The following PKHD1 variants were observed in gnomAD, a reference collection of about 807,000 sequenced individuals.
PKHD1 encodes PKHD1 ciliary IPT domain containing fibrocystin/polyductin, also known as fibrocystin.
In PKHD1, 291 loss-of-function variants were observed where a neutral mutation model predicts 412.0. That is an observed-to-expected ratio of 0.71 (90% CI 0.64 to 0.78). The LOEUF (loss-of-function observed/expected upper bound fraction) is 0.78. Ranked by LOEUF, PKHD1 falls within the 30% of genes least tolerant of loss-of-function variation. The probability of loss-of-function intolerance (pLI) is 0.00; values close to 1 mark genes in which losing one functional copy is unlikely to be tolerated. For missense variants in PKHD1, 4,825 were observed against 4,950.7 expected (o/e 0.97, Z 0.76); for synonymous variants, 1,777 against 1,821.5 (o/e 0.98, Z 0.62).
At chr6:51,982,826 A>G (rs1431889476) in intron 35 of PKHD1, among the ~76,000 whole-genome samples, 1 of 147,084 alleles carries the variant, frequency 6.8e-6, no homozygotes. Context: ...AATAATAATA[A>G]TAAATAAAAA....
At chr6:52,028,398 G>C (rs904030160) in intron 29 of PKHD1, 47 bp from the exon 30 acceptor site, 2 of 1,542,986 alleles carry the variant, frequency 1.3e-6, no homozygotes, top group East Asian at 2.2e-5. Flanking sequence ...GGGTTTGTGG[G>C]CTCAACCATC....
chr6:51,869,588 G>C (rs1183154685), intron 47 of PKHD1, among the ~76,000 whole-genome samples: 1 of 152,102 alleles, frequency 6.6e-6, no homozygotes, highest in Non-Finnish European at 1.5e-5. Context: ...TCAGTGAAAA[G>C]GGATTAGAGT....
chr6:52,020,182 C>A (rs935016189), intron 33 of PKHD1, among the ~76,000 whole-genome samples: 2 of 152,200 alleles, frequency 1.3e-5, no homozygotes, highest in African/African-American at 4.8e-5. Flanking sequence ...AAGAGTAAGA[C>A]AGTAAACTAC....
At chr6:51,719,988 T>C (rs73442838) in intron 60 of PKHD1, among the ~76,000 whole-genome samples, 6,210 of 152,164 alleles carry the variant, frequency 0.041, 372 homozygotes, top group African/African-American at 0.13. Context: ...TACCAATGAA[T>C]TACACATAGT....
In PKHD1 at chr6:52,043,039, C is replaced by G. The variant is rs1173745395; in HGVS notation, c.2917G>C (p.Val973Leu). 1.9e-6 allele frequency: 3 copies of G among 1,613,958 alleles called. No homozygotes were observed. Residue 973 changes from valine (V) to leucine (L), a missense_variant, in exon 27 of 67, where the codon GTT (valine) becomes CTT (leucine). By Grantham distance (32) the Val-to-Leu change is conservative. Transcript: ENST00000371117. Reference sequence around the variant, plus strand: ...ACATTGGTCTGGTTTGAGAAAATAACTTTGCAACTCGTTTTGTTCACTGTA... The same window carrying G: ...ACATTGGTCTGGTTTGAGAAAATAAGTTTGCAACTCGTTTTGTTCACTGTA... ...QVTVNKTSCK[V>L]IFSNQTNVVC...
At chr6:51,635,537 T>C (rs900292013) in intron 64 of PKHD1, among the ~76,000 whole-genome samples, 5 of 152,136 alleles carry the variant, frequency 3.3e-5, no homozygotes, top group African/African-American at 1.2e-4. Flanking sequence ...TCTCTGTCCC[T>C]TTGGAACTTT....
rs1482875780 is a variant in PKHD1 at position 51,883,086 on chromosome 6, C to T, written c.7350+7G>A. 1.2e-6 allele frequency: 2 copies of T among 1,611,920 alleles called. No homozygotes were observed. The highest frequency in any genetic ancestry group is 1.1e-5 in the South Asian group (1 of 90,908). ...ACAGCCTAAAACAACCACACTAAGGCACTTACCTTGTGGGCAAAATGACCA... is the reference window on the plus strand; with the variant it reads ...ACAGCCTAAAACAACCACACTAAGGTACTTACCTTGTGGGCAAAATGACCA... On this transcript the variant is annotated splice_region_variant and intron_variant, in intron 46 of 66. Transcript: ENST00000371117.
At chr6:51,847,542 T>C (rs1419864077) in intron 50 of PKHD1, among the ~76,000 whole-genome samples, 1 of 152,186 alleles carries the variant, frequency 6.6e-6, no homozygotes, top group African/African-American at 2.4e-5. Context: ...GTCATACTTC[T>C]CTATAGAGGA....
Position 52,072,303 on chromosome 6 carries a change from T to A in PKHD1, c.528-114A>T. Reference sequence around the variant, plus strand: ...TGGCTATGAACACTCTCCTCTGGATTTTTCTGCACTATTGCAGGTGGCTGA... The same window carrying A: ...TGGCTATGAACACTCTCCTCTGGATATTTCTGCACTATTGCAGGTGGCTGA... On this transcript the variant is annotated intron_variant, in intron 7 of 66. Coordinates refer to ENST00000371117, the MANE Select transcript of PKHD1 (RefSeq NM_138694.4). 5 of 743,424 alleles carry A rather than the reference T, an allele frequency of 6.7e-6. No homozygotes were observed. In the Admixed American group the frequency reaches 9.9e-5, roughly 15 times the overall value. 46.1% of individuals were successfully genotyped at this position (743,424 alleles called of 1,614,324 possible).
Position 51,632,645 on chromosome 6 carries a change from G to C in PKHD1, c.11585C>G (p.Ala3862Gly), listed in dbSNP as rs1450527990. 6.2e-7 allele frequency: 1 copy of C among 1,613,374 alleles called. No homozygotes were observed. Among genetic ancestry groups the C allele is most frequent in the East Asian group, 2.2e-5 (1 of 44,862 alleles). ...TRKEKSTIIL[A>G]ASLSSVASWL... ...TGAGGCCACAGAGGACAGGGAAGCA[G>C]CCAGGATGATGGTCGACTTCTCCTT... is the stretch of plus-strand genomic sequence containing the variant. The change falls in exon 65 of 67, where the codon GCT (alanine) becomes GGT (glycine). Residue 3862 changes from alanine (A) to glycine (G), a missense_variant. Physicochemically the swap from Ala to Gly is moderately conservative, Grantham distance 60 (BLOSUM62 0). Coordinates refer to ENST00000371117, the MANE Select transcript of PKHD1 (RefSeq NM_138694.4).
intron 1 of PKHD1, among the ~76,000 whole-genome samples, chr6:52,086,684 C>T (rs1471228833): frequency 6.6e-6 from 1 of 152,112 alleles, no homozygotes; most frequent in African/African-American, 2.4e-5. Context: ...TACCTGCCCC[C>T]GAGTCATTAC....
intron 60 of PKHD1, among the ~76,000 whole-genome samples, chr6:51,701,368 C>T (rs1251418981): frequency 6.6e-6 from 1 of 152,082 alleles, no homozygotes; most frequent in Non-Finnish European, 1.5e-5. Flanking sequence ...GTCAATCATT[C>T]ACAGATGTCA....
chr6:51,818,115 G>T (rs1272466195), intron 52 of PKHD1, among the ~76,000 whole-genome samples: 1 of 152,122 alleles, frequency 6.6e-6, no homozygotes, highest in Admixed American at 6.5e-5. Context: ...GAGCATTGCC[G>T]ATGTTACAAA....
At position 52,084,888 on chromosome 6, in the gene PKHD1, A is replaced by G. The variant is rs1219432577; in HGVS notation, c.46T>C (p.Leu16=). 3.7e-6 allele frequency: 6 copies of G among 1,600,640 alleles called. No homozygotes were observed. Among genetic ancestry groups the G allele is most frequent in the Non-Finnish European group, 4.3e-6 (5 of 1,167,884 alleles). ...CAAAACACATTCTACTGACCTGCCA[A>G]AAGTAGTACTTCAATACTCATCAGA... The part of the protein sequence containing the change: ...ISLMSIEVLL[L]AVRHLSLHIE... Residue 16 remains leucine, a synonymous_variant, in exon 2 of 67, where the codon TTG becomes CTG. Coordinates refer to ENST00000371117, the MANE Select transcript of PKHD1 (RefSeq NM_138694.4).
At position 51,760,863 on chromosome 6, in the gene PKHD1, AAC is replaced by A. The variant is rs1293488347; in HGVS notation, c.8643-5927_8643-5926del. Among the ~76,000 whole-genome samples, 24 of 152,274 alleles carry A rather than the reference AAC, an allele frequency of 1.6e-4. No homozygotes were observed. In the East Asian group the frequency reaches 2.1e-3, roughly 13 times the overall value. ...AGTTCACAGTTTCTTCCTTGTAAAT[AAC>A]AGAGTATGTTAATAAATCACTTCAG... is the stretch of plus-strand genomic sequence containing the variant. On this transcript the variant is annotated intron_variant, in intron 55 of 66. Coordinates refer to ENST00000371117, the MANE Select transcript of PKHD1 (RefSeq NM_138694.4).
At chr6:52,055,405 G>A (rs558096944) in intron 19 of PKHD1, among the ~76,000 whole-genome samples, 182 bp downstream of exon 19, 37 of 152,214 alleles carry the variant, frequency 2.4e-4, no homozygotes, top group Non-Finnish European at 8.8e-5. Context: ...ACACACAAGT[G>A]GGGGCCAGTG....
intron 11 of PKHD1, among the ~76,000 whole-genome samples, chr6:52,067,757 G>A (rs1229538176): frequency 6.6e-6 from 1 of 152,160 alleles, no homozygotes; most frequent in East Asian, 1.9e-4. Flanking sequence ...AAGTGTGGCT[G>A]GAGTATGAGA....
chr6:51,858,306 T>C (rs955435840), intron 48 of PKHD1, among the ~76,000 whole-genome samples: 1 of 152,250 alleles, frequency 6.6e-6, no homozygotes, highest in Non-Finnish European at 1.5e-5. Context: ...TCAGTCATCA[T>C]GGCTCTCTCT....
At position 51,855,913 on chromosome 6, in the gene PKHD1, A is replaced by G. The variant is rs1206056256; in HGVS notation, c.7891T>C (p.Trp2631Arg). Reference sequence around the variant, plus strand: ...GTTACCTGCAGAGATCTGTTGATCCAAAGGTTCTCAGATTGCAATGAGTAG... The same window carrying G: ...GTTACCTGCAGAGATCTGTTGATCCGAAGGTTCTCAGATTGCAATGAGTAG... Reference protein sequence around the residue: ...ETYSLQSENLWINRSLQYSAT... With the variant: ...ETYSLQSENLRINRSLQYSAT... The change falls in exon 49 of 67, where the codon TGG becomes CGG. Residue 2631 changes from tryptophan to arginine, a missense_variant. Transcript: ENST00000371117. The G allele has an allele frequency of 2.7e-5, 43 of 1,613,714 alleles. No individual in the cohort carries two copies. The highest frequency in any genetic ancestry group is 3.6e-5 in the Non-Finnish European group (42 of 1,179,682).
Sources: gnomAD v4.1 joint callset for allele counts (sites outside exome capture counted in the v4.1 genomes callset) on GRCh38, gnomAD v4.1.1 for gene constraint, MANE v1.5 for transcripts, NCBI Gene and HGNC (gene_info 2026-07-23, HGNC 2026-07-21) for gene names.